CLDN10: variants seen among roughly 807,000 people sequenced by gnomAD.
CLDN10 encodes the protein claudin-10.
In CLDN10, 15 loss-of-function variants were observed where a neutral mutation model predicts 22.9. The ratio of observed to expected loss-of-function variants is 0.65; its 90% CI spans 0.44 to 1.01. The LOEUF is 1.01. CLDN10 is among the 50% of genes least tolerant of loss of function. The pLI, the probability that CLDN10 is intolerant of heterozygous loss-of-function variation, is 0.00. For synonymous variants in CLDN10, 114 were observed against 111.4 expected (o/e 1.02, Z -0.15); for missense variants, 247 against 287.8 (o/e 0.86, Z 1.03).
intron 1 of CLDN10, among the ~76,000 whole-genome samples, chr13:95,545,668 A>G (rs1294004327): frequency 6.6e-6 from 1 of 152,178 alleles, no homozygotes; most frequent in South Asian, 2.1e-4. Flanking sequence ...CCTTAGTTTG[A>G]TGTCCTTTAA....
At chr13:95,538,777 C>T (rs1217541004) in intron 1 of CLDN10, among the ~76,000 whole-genome samples, 1 of 152,190 alleles carries the variant, frequency 6.6e-6, no homozygotes, top group African/African-American at 2.4e-5. Context: ...CTGCTGTACC[C>T]GCTTATGGCA....
chr13:95,534,951 A>G (rs1035991605), intron 1 of CLDN10, among the ~76,000 whole-genome samples: 3 of 152,290 alleles, frequency 2.0e-5, no homozygotes, highest in Admixed American at 1.3e-4. Context: ...AAATGCAACA[A>G]TGGAAGCACG....
chr13:95,502,003 G>A (rs534944566), intron 1 of CLDN10, among the ~76,000 whole-genome samples: 2 of 152,108 alleles, frequency 1.3e-5, no homozygotes, highest in South Asian at 4.2e-4. Context: ...ACTTATCAGG[G>A]TCTACTTTGA....
intron 1 of CLDN10, among the ~76,000 whole-genome samples, chr13:95,484,256 A>G (rs933554593): frequency 3.3e-5 from 5 of 152,152 alleles, no homozygotes; most frequent in African/African-American, 1.2e-4. Context: ...CAGCACTTCT[A>G]GCAGCTGGGG....
intron 3 of CLDN10, among the ~76,000 whole-genome samples, chr13:95,565,686 T>C (rs1319008285): frequency 6.6e-6 from 1 of 152,214 alleles, no homozygotes; most frequent in East Asian, 1.9e-4. Flanking sequence ...GCAGGTTTGT[T>C]ACATAGGTAT....
At chr13:95,464,843 C>T (rs544062247) in intron 1 of CLDN10, among the ~76,000 whole-genome samples, 14 of 152,150 alleles carry the variant, frequency 9.2e-5, no homozygotes, top group East Asian at 1.9e-4. Flanking sequence ...GTGATCCTCC[C>T]GCCTCAGCCT....
At chr13:95,483,084 G>T (rs1464479282) in intron 1 of CLDN10, among the ~76,000 whole-genome samples, 1 of 152,256 alleles carries the variant, frequency 6.6e-6, no homozygotes, top group Non-Finnish European at 1.5e-5. Flanking sequence ...TTGGGAGAAA[G>T]TGACGCTGCC....
intron 1 of CLDN10, among the ~76,000 whole-genome samples, chr13:95,554,998 G>A (rs2043614938): frequency 6.7e-6 from 1 of 150,014 alleles, no homozygotes; most frequent in Non-Finnish European, 1.5e-5. Context: ...CACTGACAGT[G>A]TATGAGAATA....
chr13:95,437,596 C>T (rs2042284598), intron 1 of CLDN10, among the ~76,000 whole-genome samples: 1 of 152,092 alleles, frequency 6.6e-6, no homozygotes, highest in Non-Finnish European at 1.5e-5. Context: ...CCTGTCGTGC[C>T]CCTGGCACAT....
intron 3 of CLDN10, among the ~76,000 whole-genome samples, chr13:95,565,620 CCTA>C (rs2043776512): frequency 6.6e-6 from 1 of 152,002 alleles, no homozygotes; most frequent in Admixed American, 6.6e-5. Context: ...TAAACAACTA[CCTA>C]CTTTCTTTTT....
rs565432157 is a variant in CLDN10 at position 95,484,498 on chromosome 13, G to T, written c.214+50451G>T. On this transcript the variant is annotated intron_variant, in intron 1 of 4. Transcript: ENST00000376873. ...TTATATGTCATTCCCCTGAAAAGAG[G>T]TGTTACAAGGTCAAGTTTTTTCAGT... 7.2e-5 allele frequency among the ~76,000 whole-genome samples: 11 copies of T among 152,184 alleles called. No homozygotes were observed. In the South Asian group the frequency reaches 2.1e-3, roughly 29 times the overall value.
intron 1 of CLDN10, among the ~76,000 whole-genome samples, chr13:95,436,448 G>C (rs7986190): frequency 1.3e-5 from 2 of 152,160 alleles, no homozygotes; most frequent in Middle Eastern, 3.4e-3. Flanking sequence ...GCCTCTTAAC[G>C]TGCTGGGATT....
chr13:95,557,917 C>T (rs1227352755), intron 1 of CLDN10, among the ~76,000 whole-genome samples: 5 of 152,264 alleles, frequency 3.3e-5, no homozygotes, highest in Admixed American at 1.3e-4. Context: ...ATGCATTCCG[C>T]GTTCTAAATG....
At chr13:95,481,029 A>G (rs545018616) in intron 1 of CLDN10, among the ~76,000 whole-genome samples, 1 of 152,236 alleles carries the variant, frequency 6.6e-6, no homozygotes, top group Admixed American at 6.5e-5. Context: ...GCAAGAGGAC[A>G]CACCATCCAT....
chr13:95,470,989 T>C (rs2042625456), intron 1 of CLDN10, among the ~76,000 whole-genome samples: 1 of 152,120 alleles, frequency 6.6e-6, no homozygotes, highest in South Asian at 2.1e-4. Flanking sequence ...ACACAGTTCC[T>C]GCTCTTCCAG....
rs529003905 is a variant in CLDN10, at chr13:95,539,811, A to G, written c.215-20321A>G. 6.2e-4 allele frequency among the ~76,000 whole-genome samples: 94 copies of G among 152,296 alleles called. 2 individuals carry two copies. The highest frequency in any genetic ancestry group is 2.1e-3 in the African/African-American group (88 of 41,562). The stretch of plus-strand genomic sequence containing the variant: ...TATAGAAATTTGCAACATCCCATAG[A>G]GTACAGTATTTTATTCAGCTTTCAA... On this transcript the variant is annotated intron_variant, in intron 1 of 4. Coordinates refer to the CLDN10 transcript ENST00000376873.
At chr13:95,485,085 G>T (rs1485711662) in intron 1 of CLDN10, among the ~76,000 whole-genome samples, 2 of 152,054 alleles carry the variant, frequency 1.3e-5, no homozygotes, top group South Asian at 2.1e-4. Flanking sequence ...ATGGCCCAGG[G>T]AAGGACGACA....
intron 3 of CLDN10, among the ~76,000 whole-genome samples, chr13:95,563,545 T>C (rs189217245): frequency 3.3e-5 from 5 of 152,296 alleles, no homozygotes; most frequent in African/African-American, 1.2e-4. Context: ...AAAAACCTGA[T>C]ATTGAGAATG....
At chr13:95,563,095 A>ACTCTCTCCCTCT (rs1555300133) in intron 3 of CLDN10, among the ~76,000 whole-genome samples, 4 of 128,066 alleles carry the variant, frequency 3.1e-5, no homozygotes, top group Admixed American at 2.3e-4. Context: ...CTGCCTACCC[A>ACTCTCTCCCTCT]CTCTCTCTCT....
Sources: gnomAD v4.1 joint callset for allele counts (sites outside exome capture counted in the v4.1 genomes callset) on GRCh38, gnomAD v4.1.1 for gene constraint, MANE v1.5 for transcripts, NCBI Gene and HGNC (gene_info 2026-07-23, HGNC 2026-07-21) for gene names.